Variants in IMMT observed in about 807,000 individuals in gnomAD.
IMMT encodes MICOS complex subunit MIC60.
IMMT carries 40 observed loss-of-function variants against 92.7 expected under a neutral mutation model. The ratio of observed to expected loss-of-function variants is 0.43; its 90% CI spans 0.34 to 0.56. The LOEUF (loss-of-function observed/expected upper bound fraction) is 0.56, where lower values mean the gene tolerates loss of function less well. Among genes scored for constraint, IMMT ranks in the 20% least tolerant of loss-of-function variants. The probability of loss-of-function intolerance (pLI) is 0.03; values close to 1 mark genes in which losing one functional copy is unlikely to be tolerated. For missense variants in IMMT, 831 were observed against 912.1 expected (o/e 0.91, Z 1.14); for synonymous variants, 322 against 336.1 (o/e 0.96, Z 0.46).
chr2:86,177,498 G>C (rs906082203), intron 3 of IMMT, among the ~76,000 whole-genome samples: 1 of 152,060 alleles, frequency 6.6e-6, no homozygotes, highest in African/African-American at 2.4e-5. Context: ...CAGCTACTTG[G>C]GAGGCTGAAG....
intron 1 of IMMT, 60 bp from the exon 2 acceptor site, chr2:86,181,432 G>GT (rs1470823986): frequency 3.5e-6 from 4 of 1,157,398 alleles, no homozygotes; most frequent in Non-Finnish European, 5.2e-6. Flanking sequence ...AGCTTTTAGG[G>GT]TTGGTAATAC....
Position 86,144,089 on chromosome 2 carries a change from G to A in IMMT, c.*179C>T, listed in dbSNP as rs1207666066. On this transcript the variant is annotated 3_prime_UTR_variant, in exon 15 of 15. Transcript: ENST00000410111. Reference sequence around the variant, plus strand: ...AAGTTGCAAAGAAAGCACTCCTGGCGTTCACTGACATGATAGCAAATGGAA... The same window carrying A: ...AAGTTGCAAAGAAAGCACTCCTGGCATTCACTGACATGATAGCAAATGGAA... 3.0e-5 allele frequency: 21 copies of A among 697,798 alleles called. No individual in the cohort carries two copies. The highest frequency in any genetic ancestry group is 4.2e-5 in the Non-Finnish European group (18 of 427,102). 43.2% of individuals were successfully genotyped at this position (697,798 alleles called of 1,614,324 possible). A position where few individuals can be genotyped will look rare whatever the true frequency, so the allele number is the denominator to read the frequency against.
intron 10 of IMMT, among the ~76,000 whole-genome samples, chr2:86,157,195 C>T (rs1342219955): frequency 6.6e-6 from 1 of 152,210 alleles, no homozygotes; most frequent in African/African-American, 2.4e-5. Flanking sequence ...ATTATTCTCT[C>T]TCATAAATCA....
At chr2:86,164,209 C>T (rs1312771908) in intron 7 of IMMT, among the ~76,000 whole-genome samples, 1 of 150,976 alleles carries the variant, frequency 6.6e-6, no homozygotes, top group Admixed American at 6.6e-5. Flanking sequence ...AGGCATGGGC[C>T]ACCATGCCCA....
chr2:86,175,994 G>C (rs917100887), intron 3 of IMMT, among the ~76,000 whole-genome samples: 2 of 152,186 alleles, frequency 1.3e-5, no homozygotes, highest in Non-Finnish European at 2.9e-5. Flanking sequence ...TGAATAAATG[G>C]AAAGCAAAGA....
intron 12 of IMMT, among the ~76,000 whole-genome samples, chr2:86,150,353 AG>A (rs1335797102): frequency 6.6e-6 from 1 of 152,232 alleles, no homozygotes; most frequent in Non-Finnish European, 1.5e-5. Context: ...AAAACGTTTC[AG>A]AACTAATGCC....
At chr2:86,165,872 T>C (rs1272071098) in intron 7 of IMMT, among the ~76,000 whole-genome samples, 3 of 152,198 alleles carry the variant, frequency 2.0e-5, no homozygotes, top group Non-Finnish European at 4.4e-5. Flanking sequence ...CCTATGGAAA[T>C]AGCAATTTTA....
intron 1 of IMMT, among the ~76,000 whole-genome samples, chr2:86,188,405 A>G (rs1186826021): frequency 6.6e-6 from 1 of 151,972 alleles, no homozygotes; most frequent in African/African-American, 2.4e-5. Context: ...ACACGCGCAC[A>G]CACACACGCA....
chr2:86,147,390 T>C (rs1309033790), intron 13 of IMMT, among the ~76,000 whole-genome samples: 1 of 152,168 alleles, frequency 6.6e-6, no homozygotes. Flanking sequence ...ACCTCAGTTA[T>C]AAAAATCTAA....
rs1675150248 is a variant in IMMT, at chr2:86,147,932, A to G, written c.1402-99T>C. 4.1e-6 allele frequency: 5 copies of G among 1,211,052 alleles called. No homozygotes were observed. The Admixed American group carries it at 1.0e-4, about 24-fold the overall frequency. 75.0% of individuals were successfully genotyped at this position (1,211,052 alleles called of 1,614,324 possible). ...ATCAACCATGACAACAGCAGCTTCC[A>G]TATCCTGAACGCCTCTAATGTGCCA... On this transcript the variant is annotated intron_variant, in intron 12 of 14. Coordinates refer to ENST00000410111, the MANE Select transcript of IMMT (RefSeq NM_006839.3).
At chr2:86,183,497 T>G (rs989775548) in intron 1 of IMMT, among the ~76,000 whole-genome samples, 3 of 152,184 alleles carry the variant, frequency 2.0e-5, no homozygotes, top group Admixed American at 1.3e-4. Context: ...ATCTTGACTC[T>G]CCATCCTCCC....
chr2:86,191,228 C>G (rs968540151), intron 1 of IMMT, among the ~76,000 whole-genome samples: 2 of 151,362 alleles, frequency 1.3e-5, no homozygotes, highest in African/African-American at 2.4e-5. Context: ...GCCTGCAGTC[C>G]TAGCTACTCA....
intron 2 of IMMT, 81 bp downstream of exon 2, chr2:86,181,218 T>C: frequency 9.8e-7 from 1 of 1,021,946 alleles, no homozygotes; most frequent in East Asian, 2.4e-5. Flanking sequence ...TTTAGACAGC[T>C]ATTCCCATAT....
At chr2:86,147,135 T>C (rs574796926) in intron 13 of IMMT, among the ~76,000 whole-genome samples, 1 of 152,322 alleles carries the variant, frequency 6.6e-6, no homozygotes, top group East Asian at 1.9e-4. Flanking sequence ...AATTATATTC[T>C]AATATCTTGT....
chr2:86,186,500 G>C (rs1266863192), intron 1 of IMMT, among the ~76,000 whole-genome samples: 1 of 152,140 alleles, frequency 6.6e-6, no homozygotes, highest in Non-Finnish European at 1.5e-5. Flanking sequence ...CTGAGACTAA[G>C]ACATAAAAAG....
intron 12 of IMMT, among the ~76,000 whole-genome samples, chr2:86,149,087 C>G (rs887767002): frequency 1.3e-5 from 2 of 152,200 alleles, no homozygotes; most frequent in Non-Finnish European, 2.9e-5. Context: ...ATCAACACCC[C>G]TTCAACCTCC....
At chr2:86,183,893 T>C (rs1672589808) in intron 1 of IMMT, among the ~76,000 whole-genome samples, 1 of 152,228 alleles carries the variant, frequency 6.6e-6, no homozygotes, top group Non-Finnish European at 1.5e-5. Flanking sequence ...TGTTTAATTG[T>C]TAACCAGCCC....
At chr2:86,171,957 ATAT>A (rs1558829989) in intron 4 of IMMT, among the ~76,000 whole-genome samples, 1 of 133,522 alleles carries the variant, frequency 7.5e-6, no homozygotes, top group East Asian at 2.2e-4. Context: ...TGTGTGTAGT[ATAT>A]TTTTTTTTTT....
In IMMT at chr2:86,145,365, C is replaced by G. The variant is rs376465808; in HGVS notation, c.1664-484G>C. Among the ~76,000 whole-genome samples the G allele has an allele frequency of 1.9e-4, 29 of 151,922 alleles. No individual in the cohort carries two copies. In the East Asian group the frequency reaches 4.9e-3, roughly 25 times the overall value. On this transcript the variant is annotated intron_variant, in intron 14 of 14. Coordinates refer to ENST00000410111, the MANE Select transcript of IMMT (RefSeq NM_006839.3). The stretch of plus-strand genomic sequence containing the variant: ...CAAAACCTAGCCAGGCGTGGTGGCA[C>G]GCACCTGTATTCCCAGCTACTCAGG...
Sources: gnomAD v4.1 joint callset for allele counts (sites outside exome capture counted in the v4.1 genomes callset) on GRCh38, gnomAD v4.1.1 for gene constraint, MANE v1.5 for transcripts, NCBI Gene and HGNC (gene_info 2026-07-23, HGNC 2026-07-21) for gene names.